The following IGDCC4 variants were observed in gnomAD, a reference collection of about 807,000 sequenced individuals.
IGDCC4 encodes immunoglobulin superfamily DCC subclass member 4.
In IGDCC4, 72 loss-of-function variants were observed where a neutral mutation model predicts 116.6. The observed-to-expected ratio is 0.62, with a 90% CI of 0.51 to 0.75. The LOEUF (loss-of-function observed/expected upper bound fraction) is 0.75. Ranked by LOEUF, IGDCC4 falls within the 30% of genes least tolerant of loss-of-function variation. IGDCC4 has a pLI of 0.00. For synonymous variants in IGDCC4, 709 were observed against 719.9 expected (o/e 0.98, Z 0.24); for missense variants, 1,501 against 1,662.4 (o/e 0.90, Z 1.69).
At chr15:65,394,946 GAGA>G in intron 8 of IGDCC4, 145 bp downstream of exon 8, 1 of 868,034 alleles carries the variant, frequency 1.2e-6, no homozygotes, top group Non-Finnish European at 1.7e-6. Flanking sequence ...GTGAACTGAG[GAGA>G]AGAACCCCGC....
chr15:65,389,483 C>T, intron 13 of IGDCC4, 72 bp from the exon 14 acceptor site: 3 of 1,605,108 alleles, frequency 1.9e-6, no homozygotes, highest in South Asian at 1.1e-5. Flanking sequence ...TCCAAATCTA[C>T]TCCCCTGCAG....
At chr15:65,396,307 A>C in intron 6 of IGDCC4, 144 bp from the exon 7 acceptor site, 10 of 856,202 alleles carry the variant, frequency 1.2e-5, no homozygotes, top group Non-Finnish European at 1.7e-5. Context: ...ACCCTTTCCA[A>C]ACTACTCCGG....
chr15:65,396,510 T>C (rs1199575923), intron 6 of IGDCC4: 1 of 550,110 alleles, frequency 1.8e-6, no homozygotes, highest in Non-Finnish European at 3.3e-6. Flanking sequence ...CTACCAGATC[T>C]ACCCTGCCCC....
intron 2 of IGDCC4, chr15:65,410,751 G>A: frequency 1.9e-6 from 1 of 513,178 alleles, no homozygotes; most frequent in East Asian, 3.3e-5. Context: ...AGGCTCCCTG[G>A]AGGACAGCAC....
chr15:65,409,406 G>A (rs2063068588), intron 3 of IGDCC4, among the ~76,000 whole-genome samples: 1 of 152,170 alleles, frequency 6.6e-6, no homozygotes. Flanking sequence ...GGACTGCAGG[G>A]TGGCTGGGAA....
In IGDCC4 at chr15:65,386,592, G is replaced by A; in HGVS notation, c.2910C>T (p.Leu970=). 6.2e-7 allele frequency: 1 copy of A among 1,611,912 alleles called. No individual in the cohort carries two copies. The highest frequency in any genetic ancestry group is 8.5e-7 in the Non-Finnish European group (1 of 1,179,738). The part of the protein sequence containing the change: ...IVGVCLGLLC[L]LACMCAGLRR... Reference sequence around the variant, plus strand: ...GCAGGCCAGCACACATGCAGGCCAGGAGGCAGAGGAGGCCCAGGCAGACAC... The same window carrying A: ...GCAGGCCAGCACACATGCAGGCCAGAAGGCAGAGGAGGCCCAGGCAGACAC... Residue 970 remains leucine, a synonymous_variant, in exon 17 of 20, where the codon CTC becomes CTT. Transcript: ENST00000352385.
In IGDCC4 at chr15:65,384,785, T is replaced by C. The variant is rs2091436815; in HGVS notation, c.3342+169A>G. 2 of 843,162 alleles carry C rather than the reference T, an allele frequency of 2.4e-6. No individual in the cohort carries two copies. The highest frequency in any genetic ancestry group is 2.9e-5 in the Admixed American group (1 of 35,048). 52.2% of individuals were successfully genotyped at this position (843,162 alleles called of 1,614,324 possible). ...CAGGTTGAAACAGGTTCCTGCAAAC[T>C]GGCCTGCCCTCCACCTACTCAACCT... is the stretch of plus-strand genomic sequence containing the variant. On this transcript the variant is annotated intron_variant, in intron 19 of 19. Transcript: ENST00000352385. This position sits in a 1 kb window ranked among gnomAD's most constrained non-coding sequence, Gnocchi z 4.9.
intron 2 of IGDCC4, 158 bp downstream of exon 2, chr15:65,410,862 A>G (rs2063084449): frequency 3.3e-6 from 2 of 612,522 alleles, no homozygotes; most frequent in Non-Finnish European, 5.7e-6. Flanking sequence ...GAGGATAGAC[A>G]ATACCAGGAA....
intron 3 of IGDCC4, among the ~76,000 whole-genome samples, chr15:65,403,745 C>T (rs769831800): frequency 2.0e-5 from 3 of 152,126 alleles, no homozygotes; most frequent in African/African-American, 7.2e-5. Flanking sequence ...CCAGCCAACA[C>T]GTATGTTACT....
At chr15:65,405,515 G>GA (rs1379689710) in intron 3 of IGDCC4, among the ~76,000 whole-genome samples, 1 of 152,094 alleles carries the variant, frequency 6.6e-6, no homozygotes, top group Non-Finnish European at 1.5e-5. Context: ...TTTCTCATTT[G>GA]AAAAATGGGT....
At chr15:65,405,365 G>A (rs1051812130) in intron 3 of IGDCC4, among the ~76,000 whole-genome samples, 2 of 148,804 alleles carry the variant, frequency 1.3e-5, no homozygotes, top group Non-Finnish European at 3.0e-5. Flanking sequence ...ATTTTTAAAT[G>A]TAAATTGCTA....
intron 3 of IGDCC4, among the ~76,000 whole-genome samples, chr15:65,402,798 C>A (rs685911): frequency 6.6e-6 from 1 of 151,912 alleles, no homozygotes; most frequent in Non-Finnish European, 1.5e-5. Context: ...ACCCGGGAGG[C>A]GGAGGTTGCG....
chr15:65,402,420 G>T lies in IGDCC4; in HGVS notation c.631C>A (p.Arg211Ser). 6.4e-7 allele frequency: 1 copy of T among 1,568,478 alleles called. No homozygotes were observed. Among genetic ancestry groups the T allele is most frequent in the Non-Finnish European group, 8.7e-7 (1 of 1,155,936 alleles). Reference sequence around the variant, plus strand: ...CGAGCTGAGTTGGTGGCCACGCAGCGGTAGGGGCCTGCATCACTCTCCTGA... The same window carrying T: ...CGAGCTGAGTTGGTGGCCACGCAGCTGTAGGGGCCTGCATCACTCTCCTGA... ...DVQESDAGPY[R>S]CVATNSARQH... is the part of the protein sequence containing the mutation. The change falls in exon 4 of 20, where the codon CGC (arginine) becomes AGC (serine). Residue 211 changes from arginine (R) to serine (S), a missense_variant. Transcript: ENST00000352385.
chr15:65,396,310 T>C (rs1413231593), intron 6 of IGDCC4, 147 bp from the exon 7 acceptor site: 1 of 832,222 alleles, frequency 1.2e-6, no homozygotes, highest in Admixed American at 2.1e-5. Context: ...CTTTCCAAAC[T>C]ACTCCGGCTC....
At position 65,398,691 on chromosome 15, in the gene IGDCC4, A is replaced by G. The variant is rs180802319; in HGVS notation, c.842-1702T>C. ...TGGATCACGAGGTCAGGAGATGGAG[A>G]CCATCCTGGCTGACACGGTGAAACC... On this transcript the variant is annotated intron_variant, in intron 5 of 19. Transcript: ENST00000352385. Among the ~76,000 whole-genome samples the G allele has an allele frequency of 9.2e-4, 140 of 151,970 alleles. No homozygotes were observed. The Middle Eastern group carries it at 0.014, about 15-fold the overall frequency.
At chr15:65,409,877 C>T (rs570018981) in intron 3 of IGDCC4, among the ~76,000 whole-genome samples, 2 of 152,286 alleles carry the variant, frequency 1.3e-5, no homozygotes, top group South Asian at 4.2e-4. Context: ...AGCCACAGCT[C>T]CTCTCTGGCC....
At chr15:65,408,693 G>A (rs915610119) in intron 3 of IGDCC4, among the ~76,000 whole-genome samples, 1 of 152,186 alleles carries the variant, frequency 6.6e-6, no homozygotes, top group African/African-American at 2.4e-5. Flanking sequence ...TAAAGGCCAC[G>A]CTTTGGGAAA....
intron 1 of IGDCC4, among the ~76,000 whole-genome samples, chr15:65,412,925 CTCT>C (rs1418534882): frequency 7.0e-6 from 1 of 142,320 alleles, no homozygotes; most frequent in Non-Finnish European, 1.5e-5. Context: ...ATATAGATCT[CTCT>C]CTCTCTCTCT....
chr15:65,402,402 A>G lies in IGDCC4; in HGVS notation c.649T>C (p.Ser217Pro). Residue 217 changes from serine (S) to proline (P), a missense_variant, in exon 4 of 20, where the codon TCA (serine) becomes CCA (proline). Around this residue, in one of 3 missense-constraint regions of IGDCC4, gnomAD observed 898 missense variants for 978.9 expected, o/e 0.92. Transcript: ENST00000352385. ...AGPYRCVATN[S>P]ARQHFSQEAL... is the part of the protein sequence containing the mutation. ...TCCTGGCTGAAGTGCTGGCGAGCTGAGTTGGTGGCCACGCAGCGGTAGGGG... is the reference window on the plus strand; with the variant it reads ...TCCTGGCTGAAGTGCTGGCGAGCTGGGTTGGTGGCCACGCAGCGGTAGGGG... The G allele has an allele frequency of 6.4e-7, 1 of 1,572,214 alleles. No individual in the cohort carries two copies. The highest frequency in any genetic ancestry group is 1.2e-5 in the South Asian group (1 of 85,434).
Sources: gnomAD v4.1 joint callset for allele counts (sites outside exome capture counted in the v4.1 genomes callset) on GRCh38, gnomAD v4.1.1 for gene constraint, gnomAD v4.1.1 regional missense constraint, Gnocchi (gnomAD v3.1) non-coding constraint, MANE v1.5 for transcripts, NCBI Gene and HGNC (gene_info 2026-07-23, HGNC 2026-07-21) for gene names.